The following BABAM2 variants were observed in gnomAD, a reference collection of about 807,000 sequenced individuals.
BABAM2 encodes the protein BRISC and BRCA1 A complex member 2, also known as BRISC and BRCA1-A complex member 2.
Under a neutral mutation model 54.7 loss-of-function variants are expected in BABAM2, and 31 were observed. That is an observed-to-expected ratio of 0.57 (90% CI 0.43 to 0.77). BABAM2 has a LOEUF of 0.77. Among genes scored for constraint, BABAM2 ranks in the 30% least tolerant of loss-of-function variants. BABAM2 has a pLI of 0.00. For missense variants in BABAM2, 364 were observed against 455.8 expected (o/e 0.80, Z 1.83); for synonymous variants, 167 against 162.9 (o/e 1.03, Z -0.19).
At chr2:28,102,592 G>A (rs1016231457) in intron 6 of BABAM2, among the ~76,000 whole-genome samples, 2 of 152,208 alleles carry the variant, frequency 1.3e-5, no homozygotes, top group African/African-American at 4.8e-5. Context: ...AAGGCTATCA[G>A]CCATCTGACT....
At chr2:27,930,825 G>T (rs1380016742) in intron 3 of BABAM2, among the ~76,000 whole-genome samples, 1 of 152,162 alleles carries the variant, frequency 6.6e-6, no homozygotes, top group Non-Finnish European at 1.5e-5. Flanking sequence ...CAGTGGCTTT[G>T]GTTGGTTAGT....
At chr2:28,010,590 G>T (rs1674316687) in intron 4 of BABAM2, among the ~76,000 whole-genome samples, 3 of 152,086 alleles carry the variant, frequency 2.0e-5, no homozygotes, top group Admixed American at 6.5e-5. Context: ...TGGTGTGTCA[G>T]TGCTCTTTTA....
chr2:28,004,131 C>CA (rs60410658), intron 4 of BABAM2, among the ~76,000 whole-genome samples: 99,641 of 136,828 alleles, frequency 0.73, 35,419 homozygotes, highest in Middle Eastern at 0.86. Context: ...TTTTAAAAAG[C>CA]AAAAAAAAAA....
At chr2:28,014,558 T>G (rs762777816) in intron 4 of BABAM2, among the ~76,000 whole-genome samples, 1 of 152,146 alleles carries the variant, frequency 6.6e-6, no homozygotes, top group Non-Finnish European at 1.5e-5. Context: ...TGGTGTCTAC[T>G]TAGCTATTCA....
chr2:27,955,811 G>T (rs1048019817), intron 3 of BABAM2, among the ~76,000 whole-genome samples: 4 of 152,042 alleles, frequency 2.6e-5, no homozygotes, highest in Non-Finnish European at 5.9e-5. Context: ...CAAACTATAC[G>T]AACAGAGATA....
intron 7 of BABAM2, among the ~76,000 whole-genome samples, chr2:28,175,069 C>G (rs771319723): frequency 6.6e-6 from 1 of 152,190 alleles, no homozygotes; most frequent in Non-Finnish European, 1.5e-5. Flanking sequence ...CAACCACCAT[C>G]CCAACTAGCG....
At chr2:28,145,681 C>T (rs939361296) in intron 7 of BABAM2, among the ~76,000 whole-genome samples, 1 of 152,148 alleles carries the variant, frequency 6.6e-6, no homozygotes, top group African/African-American at 2.4e-5. Flanking sequence ...AATTTTAGAA[C>T]ACTTTCCTCA....
At chr2:28,119,527 C>A (rs914593969) in intron 6 of BABAM2, among the ~76,000 whole-genome samples, 3 of 152,164 alleles carry the variant, frequency 2.0e-5, no homozygotes, top group Admixed American at 1.3e-4. Context: ...ATTTGGCCAA[C>A]AAAATCTTGA....
intron 4 of BABAM2, among the ~76,000 whole-genome samples, chr2:28,021,635 G>A (rs943600672): frequency 2.6e-5 from 4 of 151,570 alleles, no homozygotes; most frequent in African/African-American, 4.9e-5. Flanking sequence ...TTATTTTATC[G>A]ATATGCTAGA....
At chr2:28,153,182 T>G (rs1269062399) in intron 7 of BABAM2, among the ~76,000 whole-genome samples, 2 of 151,816 alleles carry the variant, frequency 1.3e-5, no homozygotes, top group Non-Finnish European at 1.5e-5. Flanking sequence ...TTTCAGATCC[T>G]GTTCCTTGGA....
chr2:28,082,404 G>C (rs896060295), intron 6 of BABAM2, among the ~76,000 whole-genome samples: 6 of 152,208 alleles, frequency 3.9e-5, no homozygotes, highest in African/African-American at 1.2e-4. Flanking sequence ...TTCTGTTGGT[G>C]CTTAAGAACA....
In BABAM2 at chr2:28,071,965, C is replaced by T. The variant is rs541860646; in HGVS notation, c.570+26166C>T. Reference sequence around the variant, plus strand: ...CTGCTGTGCCAAGATGTTTGAAATTCATTTTGTATATTTCATGACCCAAAT... The same window carrying T: ...CTGCTGTGCCAAGATGTTTGAAATTTATTTTGTATATTTCATGACCCAAAT... On this transcript the variant is annotated intron_variant, in intron 6 of 11. Transcript: ENST00000379624. 1.1e-4 allele frequency among the ~76,000 whole-genome samples: 17 copies of T among 152,256 alleles called. 1 individual carries two copies. The South Asian group carries it at 3.5e-3, about 32-fold the overall frequency.
chr2:28,161,048 T>A (rs937931275), intron 7 of BABAM2, among the ~76,000 whole-genome samples: 15 of 152,218 alleles, frequency 9.9e-5, no homozygotes. Context: ...AGTTTCCCAA[T>A]TGTGCAGAGC....
At chr2:28,025,443 A>G in intron 5 of BABAM2, 23 bp downstream of exon 5, 1 of 1,542,180 alleles carries the variant, frequency 6.5e-7, no homozygotes, top group Non-Finnish European at 8.7e-7. Flanking sequence ...GAGAATGGAA[A>G]AAAAGATGAC....
At chr2:28,036,102 A>G (rs995590546) in intron 5 of BABAM2, among the ~76,000 whole-genome samples, 5 of 152,106 alleles carry the variant, frequency 3.3e-5, no homozygotes, top group African/African-American at 4.8e-5. Context: ...TGATGGGTGC[A>G]TTGCCCCATC....
intron 6 of BABAM2, among the ~76,000 whole-genome samples, chr2:28,085,727 T>C (rs909787931): frequency 2.6e-5 from 4 of 152,200 alleles, no homozygotes. Context: ...TTAGTGTTTC[T>C]AGGGTATTGC....
At chr2:27,919,687 C>T (rs760305860) in intron 2 of BABAM2, among the ~76,000 whole-genome samples, 3 of 152,152 alleles carry the variant, frequency 2.0e-5, no homozygotes, top group Non-Finnish European at 4.4e-5. Context: ...ATAAGCTAAG[C>T]ATCTATCTGA....
intron 4 of BABAM2, among the ~76,000 whole-genome samples, chr2:28,024,257 T>C (rs1422271611): frequency 3.3e-5 from 5 of 151,860 alleles, no homozygotes; most frequent in Non-Finnish European, 7.4e-5. Context: ...ACAAAAAAAA[T>C]TAGCCGGGCC....
chr2:28,282,467 A>G (rs1169190387), intron 10 of BABAM2, among the ~76,000 whole-genome samples: 1 of 152,090 alleles, frequency 6.6e-6, no homozygotes, highest in Admixed American at 6.6e-5. Context: ...TCTTTCCACA[A>G]TGTCAGAAAC....
Sources: gnomAD v4.1 joint callset for allele counts (sites outside exome capture counted in the v4.1 genomes callset) on GRCh38, gnomAD v4.1.1 for gene constraint, MANE v1.5 for transcripts, NCBI Gene and HGNC (gene_info 2026-07-23, HGNC 2026-07-21) for gene names.